The following SYCE2 variants were observed in gnomAD, a reference collection of about 807,000 sequenced individuals.
The protein encoded by SYCE2 is central element synaptonemal complex 1.
In SYCE2, 3 loss-of-function variants were observed where a neutral mutation model predicts 27.9. The ratio of observed to expected loss-of-function variants is 0.11; its 90% CI spans 0.05 to 0.28. The LOEUF (loss-of-function observed/expected upper bound fraction) is 0.28, where lower values mean the gene tolerates loss of function less well. Ranked by LOEUF, SYCE2 falls within the 10% of genes least tolerant of loss-of-function variation. The pLI is 1.00. For missense variants in SYCE2, 207 were observed against 263.5 expected (o/e 0.79, Z 1.48); for synonymous variants, 85 against 100.7 (o/e 0.84, Z 0.93).
At chr19:12,918,917 C>G (rs1971189275) in intron 1 of SYCE2, among the ~76,000 whole-genome samples, 1 of 150,800 alleles carries the variant, frequency 6.6e-6, no homozygotes, top group African/African-American at 2.4e-5. Flanking sequence ...CGCCACTGCA[C>G]TCCAGACTGG....
At position 12,899,378 on chromosome 19, in the gene SYCE2, G is replaced by C. The variant is rs781028895; in HGVS notation, c.620C>G (p.Ala207Gly). Residue 207 changes from alanine to glycine, a missense_variant, in exon 6 of 6, where the codon GCT becomes GGT. Physicochemically the swap from Ala to Gly is moderately conservative, Grantham distance 60. Coordinates refer to ENST00000293695, the MANE Select transcript of SYCE2 (RefSeq NM_001105578.2). The stretch of plus-strand genomic sequence containing the variant: ...ATCTCTGTTGGTCTGTACTTCTGAA[G>C]CAGTGGCCTGGGGATACATGAAAAT... ...SVAETTSQAT[A>G]SEVQTNRDGE... The C allele has an allele frequency of 1.9e-6, 3 of 1,614,162 alleles. No homozygotes were observed. The highest frequency in any genetic ancestry group is 2.5e-6 in the Non-Finnish European group (3 of 1,180,016).
chr19:12,900,709 G>A, intron 3 of SYCE2, 61 bp from the exon 4 acceptor site: 1 of 1,447,732 alleles, frequency 6.9e-7, no homozygotes, highest in South Asian at 1.3e-5. Context: ...AGACATCTGT[G>A]TTAAGTGGGT....
rs58366159 is a variant in SYCE2, at chr19:12,915,259, G to T, written c.131+2963C>A. Among the ~76,000 whole-genome samples the T allele has an allele frequency of 6.6e-5, 10 of 152,244 alleles. No individual in the cohort carries two copies. In the East Asian group the frequency reaches 1.9e-3, roughly 29 times the overall value. On this transcript the variant is annotated intron_variant, in intron 2 of 5. Transcript: ENST00000293695. ...GAAGCTGTTTTAAAGTTGACTATGAGAATGGTTGTCCAGCTCTGAATATAC... is the reference window on the plus strand; with the variant it reads ...GAAGCTGTTTTAAAGTTGACTATGATAATGGTTGTCCAGCTCTGAATATAC...
At chr19:12,910,575 G>A (rs893206718) in intron 2 of SYCE2, among the ~76,000 whole-genome samples, 6 of 151,280 alleles carry the variant, frequency 4.0e-5, no homozygotes, top group African/African-American at 9.7e-5. Flanking sequence ...GTCTCACCAT[G>A]TTGGCCAGGC....
At chr19:12,911,702 C>T (rs1296928426) in intron 2 of SYCE2, among the ~76,000 whole-genome samples, 6 of 151,048 alleles carry the variant, frequency 4.0e-5, no homozygotes, top group African/African-American at 1.2e-4. Flanking sequence ...ACTGCAACCA[C>T]TATCTCCCAG....
At chr19:12,903,512 G>A (rs751959546) in intron 3 of SYCE2, among the ~76,000 whole-genome samples, 4 of 151,042 alleles carry the variant, frequency 2.6e-5, no homozygotes, top group Non-Finnish European at 5.9e-5. Flanking sequence ...TCATCCTCCC[G>A]AGTAGCTGGG....
At chr19:12,910,387 G>T (rs10425329) in intron 2 of SYCE2, among the ~76,000 whole-genome samples, 1 of 150,154 alleles carries the variant, frequency 6.7e-6, no homozygotes, top group South Asian at 2.1e-4. Context: ...TCACTCGGTC[G>T]CTCAGGCTGG....
intron 2 of SYCE2, among the ~76,000 whole-genome samples, chr19:12,912,494 C>T (rs1254970380): frequency 6.6e-6 from 1 of 152,188 alleles, no homozygotes; most frequent in Non-Finnish European, 1.5e-5. Context: ...ATTTGTTTTG[C>T]AGCACCCCAA....
At chr19:12,907,705 C>T (rs528935288) in intron 2 of SYCE2, among the ~76,000 whole-genome samples, 61 of 152,272 alleles carry the variant, frequency 4.0e-4, no homozygotes, top group African/African-American at 1.4e-3. Flanking sequence ...GCAGGAGGAT[C>T]GCTTGAACCT....
chr19:12,902,691 A>G (rs192579524), intron 3 of SYCE2, among the ~76,000 whole-genome samples: 64 of 152,140 alleles, frequency 4.2e-4, no homozygotes, highest in Non-Finnish European at 5.6e-4. Flanking sequence ...TTGCATGCCT[A>G]TAGTCTCAAG....
intron 2 of SYCE2, among the ~76,000 whole-genome samples, chr19:12,906,918 TTAAAA>T (rs1970944491): frequency 6.6e-6 from 1 of 152,002 alleles, no homozygotes; most frequent in Non-Finnish European, 1.5e-5. Context: ...TTAAATTAAA[TTAAAA>T]TAAATTAAAA....
chr19:12,900,488 A>G lies in SYCE2; in HGVS notation c.467T>C (p.Val156Ala), dbSNP rs773985174. 1.9e-6 allele frequency: 3 copies of G among 1,613,944 alleles called. No homozygotes were observed. Among genetic ancestry groups the G allele is most frequent in the Non-Finnish European group, 2.5e-6 (3 of 1,180,030 alleles). Residue 156 changes from valine (V) to alanine (A), a missense_variant, in exon 4 of 6, where the codon GTG becomes GCG. Physicochemically the swap from Val to Ala is moderately conservative, Grantham distance 64 (BLOSUM62 0). Coordinates refer to ENST00000293695, the MANE Select transcript of SYCE2 (RefSeq NM_001105578.2). ...LKQVCHSVETVYKDLCLQPEQ... is the reference protein window; with the variant it reads ...LKQVCHSVETAYKDLCLQPEQ... The stretch of plus-strand genomic sequence containing the variant: ...AGGCTGGAGACACAGGTCTTTGTAC[A>G]CAGTCTCCACGCTGTGGCAGACTTG...
At chr19:12,900,707 G>T in intron 3 of SYCE2, 59 bp from the exon 4 acceptor site, 2 of 1,456,818 alleles carry the variant, frequency 1.4e-6, no homozygotes, top group Non-Finnish European at 1.9e-6. Flanking sequence ...CAAGACATCT[G>T]TGTTAAGTGG....
Position 12,898,899 on chromosome 19 carries a change from G to T in SYCE2, c.*442C>A. 9.4e-6 allele frequency: 2 copies of T among 213,418 alleles called. No individual in the cohort carries two copies. Among genetic ancestry groups the T allele is most frequent in the South Asian group, 1.5e-4 (2 of 13,328 alleles). The allele number at this position is 213,418 out of a possible 1,614,324, so 13.2% of individuals were successfully genotyped here. The stretch of plus-strand genomic sequence containing the variant: ...GAGGAGCAAAGGATGAGACACCAGG[G>T]CATGGGGTGTGGGATTCTCTGGGAG... On this transcript the variant is annotated 3_prime_UTR_variant, in exon 6 of 6. Transcript: ENST00000293695.
chr19:12,902,813 A>G (rs1183398562), intron 3 of SYCE2, among the ~76,000 whole-genome samples: 3 of 151,744 alleles, frequency 2.0e-5, no homozygotes, highest in Admixed American at 2.0e-4. Context: ...GCTTGTCTCA[A>G]AAAAAAAGAA....
chr19:12,912,214 G>A (rs191668411), intron 2 of SYCE2, among the ~76,000 whole-genome samples: 3 of 151,932 alleles, frequency 2.0e-5, no homozygotes, highest in Non-Finnish European at 4.4e-5. Context: ...GGGATTACAG[G>A]CGTGAGCCAC....
intron 2 of SYCE2, among the ~76,000 whole-genome samples, chr19:12,912,239 C>A (rs1376234459): frequency 6.6e-6 from 1 of 151,826 alleles, no homozygotes; most frequent in Non-Finnish European, 1.5e-5. Context: ...CCCGATCTAG[C>A]CTTACTGTTT....
chr19:12,913,579 G>A (rs542091527), intron 2 of SYCE2, among the ~76,000 whole-genome samples: 1 of 152,296 alleles, frequency 6.6e-6, no homozygotes, highest in African/African-American at 2.4e-5. Flanking sequence ...TGATGAGCCA[G>A]TTCCTCAACC....
rs745768180 is a variant in SYCE2 at position 12,900,679 on chromosome 19, A to G, written c.307-31T>C. 3 of 1,586,760 alleles carry G rather than the reference A, an allele frequency of 1.9e-6. No homozygotes were observed. In the Admixed American group the frequency reaches 5.1e-5, roughly 27 times the overall value. On this transcript the variant is annotated intron_variant, in intron 3 of 5. Coordinates refer to ENST00000293695, the MANE Select transcript of SYCE2 (RefSeq NM_001105578.2). ...AAACAATAAGATGTGTTCTCGGAAA[A>G]TCAAACAAGAGGTATCACAAGACAT...
Sources: gnomAD v4.1 joint callset for allele counts (sites outside exome capture counted in the v4.1 genomes callset) on GRCh38, gnomAD v4.1.1 for gene constraint, MANE v1.5 for transcripts, NCBI Gene and HGNC (gene_info 2026-07-23, HGNC 2026-07-21) for gene names.